The following TNFAIP8 variants were observed in gnomAD, a reference collection of about 807,000 sequenced individuals.
The protein encoded by TNFAIP8 is tumor necrosis factor alpha-induced protein 8.
A neutral mutation model predicts 13.3 loss-of-function variants in TNFAIP8; 7 were observed. The observed-to-expected ratio is 0.52, with a 90% CI of 0.30 to 0.99. The LOEUF (loss-of-function observed/expected upper bound fraction) is 0.99. Among genes scored for constraint, TNFAIP8 ranks in the 50% least tolerant of loss-of-function variants. The pLI is 0.07. For missense variants in TNFAIP8, 258 were observed against 236.9 expected, an observed-to-expected ratio of 1.09 and a Z score of -0.58; for synonymous variants, 94 against 87.6, an observed-to-expected ratio of 1.07 and a Z score of -0.41.
In TNFAIP8 at chr5:119,392,829, C is replaced by G. The variant is rs1226977820; in HGVS notation, c.45C>G (p.Val15=). The G allele has an allele frequency of 2.0e-6, 3 of 1,533,456 alleles. No homozygotes were observed. Among genetic ancestry groups the G allele is most frequent in the South Asian group, 1.2e-5 (1 of 82,166 alleles). 95.0% of individuals were successfully genotyped at this position (1,533,456 alleles called of 1,614,324 possible). A position where few individuals can be genotyped will look rare whatever the true frequency, so the allele number is the denominator to read the frequency against. ...TTTTTTTTTTAGTGGCCACAGATGT[C>G]TTTAATTCCAAAAACCTGGCCGTTC... ...AEESKEVATD[V]FNSKNLAVQA... The change falls in exon 2 of 2, where the codon GTC becomes GTG. Residue 15 remains valine, a synonymous_variant. Coordinates refer to ENST00000504771, the MANE Select transcript of TNFAIP8 (RefSeq NM_014350.4).
chr5:119,300,062 C>T (rs1422892059), intron 1 of TNFAIP8, among the ~76,000 whole-genome samples: 6 of 152,258 alleles, frequency 3.9e-5, no homozygotes, highest in Admixed American at 1.3e-4. Context: ...TTGTGCTTCC[C>T]GAGTGAGGCA....
intron 1 of TNFAIP8, among the ~76,000 whole-genome samples, chr5:119,357,970 G>A (rs900340592): frequency 2.0e-5 from 3 of 152,030 alleles, no homozygotes; most frequent in Admixed American, 6.6e-5. Flanking sequence ...TCCAAGGCTG[G>A]TTCATTGGCT....
At chr5:119,388,909 G>A (rs1752785616) in intron 1 of TNFAIP8, among the ~76,000 whole-genome samples, 2 of 151,702 alleles carry the variant, frequency 1.3e-5, no homozygotes. Flanking sequence ...CTCCTAAAGT[G>A]CTGGGATTAC....
chr5:119,292,570 G>C (rs1440430810), intron 1 of TNFAIP8, among the ~76,000 whole-genome samples: 1 of 144,218 alleles, frequency 6.9e-6, no homozygotes, highest in Non-Finnish European at 1.5e-5. Context: ...AGTGTTAATA[G>C]AAGATTATAC....
intron 1 of TNFAIP8, among the ~76,000 whole-genome samples, chr5:119,273,948 C>T (rs1260387723): frequency 6.6e-6 from 1 of 152,186 alleles, no homozygotes; most frequent in Non-Finnish European, 1.5e-5. Context: ...ACTCCTTCAA[C>T]CCAAATTCAT....
At chr5:119,388,814 G>A (rs6888436) in intron 1 of TNFAIP8, among the ~76,000 whole-genome samples, 105,699 of 147,162 alleles carry the variant, frequency 0.72, 37,659 homozygotes, top group African/African-American at 0.79. Flanking sequence ...TTTTTTTTTT[G>A]AGTTTTTTTT....
chr5:119,277,402 T>C (rs1443836180), intron 1 of TNFAIP8, among the ~76,000 whole-genome samples: 4 of 148,852 alleles, frequency 2.7e-5, no homozygotes, highest in African/African-American at 9.8e-5. Context: ...CCATCAGGGA[T>C]TTTTTTTTTG....
chr5:119,352,322 C>T (rs914457715), upstream of TNFAIP8, among the ~76,000 whole-genome samples: 2 of 151,988 alleles, frequency 1.3e-5, no homozygotes, highest in Non-Finnish European at 2.9e-5. Flanking sequence ...ATCACGGAAG[C>T]CTTCGAAGGC....
At chr5:119,311,509 G>A (rs1002366094) in intron 1 of TNFAIP8, among the ~76,000 whole-genome samples, 18 of 151,756 alleles carry the variant, frequency 1.2e-4, no homozygotes, top group African/African-American at 4.1e-4. Context: ...GGCTAACATG[G>A]TGAAACCCCG....
At chr5:119,279,596 G>T in intron 1 of TNFAIP8, among the ~76,000 whole-genome samples, 1 of 151,886 alleles carries the variant, frequency 6.6e-6, no homozygotes, top group East Asian at 1.9e-4. Flanking sequence ...TTAGAGATAG[G>T]GTCTTGCTCT....
chr5:119,372,853 CGGGAGGCTGAGGCA>C (rs1752137897), intron 1 of TNFAIP8, among the ~76,000 whole-genome samples: 1 of 151,992 alleles, frequency 6.6e-6, no homozygotes, highest in Non-Finnish European at 1.5e-5. Flanking sequence ...CCCAGCTACT[CGGGAGGCTGAGGCA>C]GGGGAATCGC....
upstream of TNFAIP8, among the ~76,000 whole-genome samples, chr5:119,351,195 TA>T (rs1175963574): frequency 6.6e-6 from 1 of 152,108 alleles, no homozygotes; most frequent in African/African-American, 2.4e-5. Context: ...GTTAACCTTT[TA>T]AAAATTTTTT....
chr5:119,353,175 G>A (rs942111175), upstream of TNFAIP8, among the ~76,000 whole-genome samples: 3 of 152,110 alleles, frequency 2.0e-5, no homozygotes, highest in African/African-American at 7.2e-5. Flanking sequence ...GGATGTTTGG[G>A]GTGTTTCTTA....
chr5:119,293,713 A>G (rs1749068694), intron 1 of TNFAIP8, among the ~76,000 whole-genome samples: 2 of 152,312 alleles, frequency 1.3e-5, no homozygotes, highest in East Asian at 3.9e-4. Context: ...TATGGGGAAA[A>G]ATGGTAACAA....
intron 1 of TNFAIP8, among the ~76,000 whole-genome samples, chr5:119,339,890 T>C (rs1355123): frequency 0.68 from 102,811 of 152,144 alleles, 34,986 homozygotes; most frequent in African/African-American, 0.72. Flanking sequence ...TTATTTTATC[T>C]ATTTTAATGG....
At chr5:119,368,360 T>C (rs1751944735) in intron 1 of TNFAIP8, among the ~76,000 whole-genome samples, 1 of 146,698 alleles carries the variant, frequency 6.8e-6, no homozygotes, top group African/African-American at 2.7e-5. Flanking sequence ...TAATATAATT[T>C]TCCCTCCTGT....
intron 1 of TNFAIP8, among the ~76,000 whole-genome samples, chr5:119,362,470 T>A (rs534141524): frequency 6.6e-6 from 1 of 152,294 alleles, no homozygotes; most frequent in Admixed American, 6.5e-5. Context: ...CTTCAATAGC[T>A]ACTTAATCTT....
intron 1 of TNFAIP8, among the ~76,000 whole-genome samples, chr5:119,372,631 A>G (rs918804177): frequency 7.2e-5 from 11 of 152,334 alleles, no homozygotes; most frequent in Middle Eastern, 3.4e-3. Flanking sequence ...ATACAAGTTG[A>G]CCATCATAAA....
At chr5:119,318,688 TC>T (rs1749970988) in intron 1 of TNFAIP8, among the ~76,000 whole-genome samples, 1 of 101,548 alleles carries the variant, frequency 9.8e-6, no homozygotes, top group Non-Finnish European at 1.9e-5. Flanking sequence ...TCCTGCCCCC[TC>T]CCCTCTCCTG....
Sources: gnomAD v4.1 joint callset for allele counts (sites outside exome capture counted in the v4.1 genomes callset) on GRCh38, gnomAD v4.1.1 for gene constraint, MANE v1.5 for transcripts, NCBI Gene and HGNC (gene_info 2026-07-23, HGNC 2026-07-21) for gene names.